RAP1GDS1: variants seen among roughly 807,000 people sequenced by gnomAD.
The protein encoded by RAP1GDS1 is Rap1 GTPase-GDP dissociation stimulator 1.
Under a neutral mutation model 71.1 loss-of-function variants are expected in RAP1GDS1, and 35 were observed. The observed-to-expected ratio is 0.49, with a 90% CI of 0.38 to 0.65. RAP1GDS1 has a LOEUF of 0.65. RAP1GDS1 is among the 30% of genes least tolerant of loss of function. The probability of loss-of-function intolerance (pLI) is 0.00; values close to 1 mark genes in which losing one functional copy is unlikely to be tolerated. For synonymous variants in RAP1GDS1, 229 were observed against 243.1 expected, an observed-to-expected ratio of 0.94 and a Z score of 0.54; for missense variants, 663 against 706.1, an observed-to-expected ratio of 0.94 and a Z score of 0.69.
At position 98,261,478 on chromosome 4, in the gene RAP1GDS1, A is replaced by C. The variant is rs1721953597; in HGVS notation, c.-88A>C. 5.1e-6 allele frequency: 7 copies of C among 1,366,518 alleles called. No homozygotes were observed. The South Asian group carries it at 1.0e-4, about 20-fold the overall frequency. The allele number at this position is 1,366,518 out of a possible 1,614,324, so 84.6% of individuals were successfully genotyped here. ...GGGTCCCTCCCTGGCTGCGGGAGAGACGGAGGTAGAGGGAGGACACAGAGC... is the reference window on the plus strand; with the variant it reads ...GGGTCCCTCCCTGGCTGCGGGAGAGCCGGAGGTAGAGGGAGGACACAGAGC... On this transcript the variant is annotated 5_prime_UTR_variant, in exon 1 of 15. Transcript: ENST00000408927.
chr4:98,414,733 T>C (rs528467275), intron 7 of RAP1GDS1, among the ~76,000 whole-genome samples: 1,734 of 151,592 alleles, frequency 0.011, 36 homozygotes, highest in African/African-American at 0.04. Context: ...TTTAAAGTAG[T>C]TTTTTCCAAT....
intron 2 of RAP1GDS1, among the ~76,000 whole-genome samples, chr4:98,327,890 A>C (rs966894832): frequency 6.6e-6 from 1 of 152,206 alleles, no homozygotes; most frequent in African/African-American, 2.4e-5. Context: ...GTCATCTCAA[A>C]GTGCTGAGCT....
At chr4:98,364,520 G>A (rs988180867) in intron 4 of RAP1GDS1, among the ~76,000 whole-genome samples, 1 of 152,084 alleles carries the variant, frequency 6.6e-6, no homozygotes, top group Non-Finnish European at 1.5e-5. Context: ...ATACATTTAT[G>A]CTTCAGTGTG....
chr4:98,375,644 A>C (rs1344671694), intron 4 of RAP1GDS1, among the ~76,000 whole-genome samples: 1 of 152,196 alleles, frequency 6.6e-6, no homozygotes, highest in Non-Finnish European at 1.5e-5. Context: ...ACAGTTTTTA[A>C]AAATCACATT....
At chr4:98,426,330 C>T (rs993345042) in intron 12 of RAP1GDS1, among the ~76,000 whole-genome samples, 2 of 151,936 alleles carry the variant, frequency 1.3e-5, no homozygotes, top group Non-Finnish European at 2.9e-5. Context: ...GAAACAAGAA[C>T]AAACCAAACC....
At chr4:98,367,455 G>T (rs767149891) in intron 4 of RAP1GDS1, among the ~76,000 whole-genome samples, 1 of 152,174 alleles carries the variant, frequency 6.6e-6, no homozygotes, top group Non-Finnish European at 1.5e-5. Flanking sequence ...CCCTACTGGG[G>T]CATCACATAA....
At chr4:98,281,193 T>C (rs1463194687) in intron 1 of RAP1GDS1, among the ~76,000 whole-genome samples, 2 of 152,220 alleles carry the variant, frequency 1.3e-5, no homozygotes, top group Non-Finnish European at 2.9e-5. Flanking sequence ...ATCTATAAAT[T>C]ACTTTGGGCA....
chr4:98,368,134 T>C (rs1739795939), intron 4 of RAP1GDS1, among the ~76,000 whole-genome samples: 1 of 152,174 alleles, frequency 6.6e-6, no homozygotes, highest in South Asian at 2.1e-4. Flanking sequence ...GTTCTCATGA[T>C]AGTAAGTCTC....
chr4:98,408,458 A>G (rs1429851508), intron 7 of RAP1GDS1, among the ~76,000 whole-genome samples: 1 of 152,152 alleles, frequency 6.6e-6, no homozygotes, highest in Non-Finnish European at 1.5e-5. Context: ...TTAAAGTATG[A>G]CTGATACAAG....
intron 9 of RAP1GDS1, 142 bp from the exon 10 acceptor site, chr4:98,418,515 A>C: frequency 1.2e-6 from 1 of 828,318 alleles, no homozygotes; most frequent in East Asian, 3.4e-5. Flanking sequence ...AAAACCTATA[A>C]ATCTGATGGG....
At chr4:98,303,825 A>G (rs534134076) in intron 2 of RAP1GDS1, among the ~76,000 whole-genome samples, 2 of 151,970 alleles carry the variant, frequency 1.3e-5, no homozygotes, top group East Asian at 1.9e-4. Context: ...CCCCACATGC[A>G]TTAGCTGTTT....
chr4:98,350,279 C>A (rs1329895793), intron 3 of RAP1GDS1, among the ~76,000 whole-genome samples: 1 of 152,130 alleles, frequency 6.6e-6, no homozygotes, highest in Non-Finnish European at 1.5e-5. Context: ...TGAATGAGTA[C>A]AAATCAGACC....
At chr4:98,267,262 C>T (rs915459187) in intron 1 of RAP1GDS1, among the ~76,000 whole-genome samples, 4 of 151,996 alleles carry the variant, frequency 2.6e-5, no homozygotes, top group Admixed American at 2.6e-4. Context: ...TATTTCCCTT[C>T]ATTGTTTGGA....
chr4:98,410,189 TTATAACA>T (rs1319279346), intron 7 of RAP1GDS1, among the ~76,000 whole-genome samples: 4 of 152,248 alleles, frequency 2.6e-5, no homozygotes, highest in East Asian at 1.9e-4. Flanking sequence ...GAGAATATAA[TTATAACA>T]TATAACTGAC....
chr4:98,310,439 A>G (rs1429244103), intron 2 of RAP1GDS1, among the ~76,000 whole-genome samples: 1 of 152,174 alleles, frequency 6.6e-6, no homozygotes, highest in Non-Finnish European at 1.5e-5. Flanking sequence ...AAAAATTGCA[A>G]TGTCAAATCA....
At chr4:98,275,201 C>T (rs868360607) in intron 1 of RAP1GDS1, among the ~76,000 whole-genome samples, 2 of 152,098 alleles carry the variant, frequency 1.3e-5, no homozygotes, top group East Asian at 1.9e-4. Flanking sequence ...CCATCTAACT[C>T]GATAACAAAA....
intron 12 of RAP1GDS1, among the ~76,000 whole-genome samples, chr4:98,432,163 C>T (rs960123302): frequency 1.8e-4 from 28 of 152,068 alleles, no homozygotes; most frequent in Admixed American, 1.0e-3. Context: ...GTATCTGTTC[C>T]GGAAAAGTGA....
At chr4:98,264,698 T>C (rs1191057052) in intron 1 of RAP1GDS1, among the ~76,000 whole-genome samples, 1 of 152,106 alleles carries the variant, frequency 6.6e-6, no homozygotes, top group African/African-American at 2.4e-5. Context: ...CCTTTACATA[T>C]ATTATAGATT....
chr4:98,378,577 A>G (rs1437230888), intron 4 of RAP1GDS1, among the ~76,000 whole-genome samples: 1 of 151,986 alleles, frequency 6.6e-6, no homozygotes, highest in African/African-American at 2.4e-5. Context: ...GTTTTCTTCG[A>G]TAATAGCTGA....
Sources: allele counts gnomAD v4.1 joint callset (sites outside exome capture counted in the v4.1 genomes callset), GRCh38; gene constraint gnomAD v4.1.1; transcripts MANE v1.5; gene names NCBI Gene and HGNC (gene_info 2026-07-23, HGNC 2026-07-21).